Variants in POLR2D observed in about 807,000 individuals in gnomAD.
POLR2D encodes the protein DNA-directed RNA polymerase II subunit RPB4.
A neutral mutation model predicts 17.6 loss-of-function variants in POLR2D; 10 were observed. The ratio of observed to expected loss-of-function variants is 0.57; its 90% CI spans 0.35 to 0.96. The LOEUF is 0.96. Ranked by LOEUF, POLR2D falls within the 40% of genes least tolerant of loss-of-function variation. The pLI, the probability that POLR2D is intolerant of heterozygous loss-of-function variation, is 0.02. For missense variants in POLR2D, 126 were observed against 176.4 expected, an observed-to-expected ratio of 0.71 and a Z score of 1.62; for synonymous variants, 52 against 60.2, an observed-to-expected ratio of 0.86 and a Z score of 0.63.
chr2:127,854,547 T>C (rs1278495025), intron 1 of POLR2D, among the ~76,000 whole-genome samples: 1 of 152,212 alleles, frequency 6.6e-6, no homozygotes, highest in Non-Finnish European at 1.5e-5. Flanking sequence ...TTCCCATTTC[T>C]CAAGCCAGGT....
At position 127,844,917 on chromosome 2, in the gene POLR2D, G is replaced by C. The variant is rs1690126319; in HGVS notation, c.*3190C>G. 1 of 152,222 alleles carries C rather than the reference G, an allele frequency of 6.6e-6. No homozygotes were observed. The highest frequency in any genetic ancestry group is 2.4e-5 in the African/African-American group (1 of 41,438). 9.4% of individuals were successfully genotyped at this position (152,222 alleles called of 1,614,324 possible). A position where few individuals can be genotyped will look rare whatever the true frequency, so the allele number is the denominator to read the frequency against. On this transcript the variant is annotated 3_prime_UTR_variant, in exon 4 of 4. Transcript: ENST00000272645. ...GATCCACCCGCCTCGGCCTCCCAAA[G>C]TGCTGGGATTACAGGTGTGAGCCAC... is the stretch of plus-strand genomic sequence containing the variant.
rs1479760669 is a variant in POLR2D at position 127,843,608 on chromosome 2, G to A, written c.*4499C>T. 6.6e-6 allele frequency: 1 copy of A among 152,334 alleles called. No individual in the cohort carries two copies. Among genetic ancestry groups the A allele is most frequent in the Non-Finnish European group, 1.5e-5 (1 of 68,026 alleles). The allele number at this position is 152,334 out of a possible 1,614,324, so 9.4% of individuals were successfully genotyped here. A position where few individuals can be genotyped will look rare whatever the true frequency, so the allele number is the denominator to read the frequency against. ...ACTAAGGCAACTCATCGATGCTGAA[G>A]TCCCATCCAGTATGCTATTTTTCAT... is the stretch of plus-strand genomic sequence containing the variant. On this transcript the variant is annotated 3_prime_UTR_variant, in exon 4 of 4. Transcript: ENST00000272645.
chr2:127,853,176 C>T, intron 1 of POLR2D, 71 bp from the exon 2 acceptor site: 2 of 1,175,198 alleles, frequency 1.7e-6, no homozygotes, highest in African/African-American at 1.5e-5. Flanking sequence ...GTTCACTGTG[C>T]ATTTGAACAT....
In POLR2D at chr2:127,858,102, G is replaced by A. The variant is rs1026064200; in HGVS notation, c.-2C>T. On this transcript the variant is annotated 5_prime_UTR_variant, in exon 1 of 4. Transcript: ENST00000272645. ...CGGATCGCTGCCACCCGCCGCCATC[G>A]CCGCGCCGCGCCGCGCGCCACCACC... 6 of 1,478,026 alleles carry A rather than the reference G, an allele frequency of 4.1e-6. No homozygotes were observed. Among genetic ancestry groups the A allele is most frequent in the Non-Finnish European group, 5.4e-6 (6 of 1,112,518 alleles). The allele number at this position is 1,478,026 out of a possible 1,614,324, so 91.6% of individuals were successfully genotyped here.
chr2:127,850,742 ATC>A, intron 2 of POLR2D, 57 bp from the exon 3 acceptor site: 1 of 855,296 alleles, frequency 1.2e-6, no homozygotes, highest in South Asian at 1.5e-5. Flanking sequence ...AACAACAAAA[ATC>A]AAAGAGTAAT....
intron 1 of POLR2D, chr2:127,857,649 C>T (rs576278027): frequency 4.0e-6 from 1 of 251,776 alleles, no homozygotes; most frequent in African/African-American, 2.3e-5. Context: ...CATCCTTATT[C>T]CCTAATTCTC....
At chr2:127,849,163 G>A (rs1409413669) in intron 3 of POLR2D, among the ~76,000 whole-genome samples, 1 of 151,930 alleles carries the variant, frequency 6.6e-6, no homozygotes, top group African/African-American at 2.4e-5. Flanking sequence ...CCCTACTTCA[G>A]CCTCCCGAGT....
At chr2:127,851,320 G>A (rs773775635) in intron 2 of POLR2D, among the ~76,000 whole-genome samples, 1 of 152,230 alleles carries the variant, frequency 6.6e-6, no homozygotes, top group African/African-American at 2.4e-5. Context: ...TTGGAAGGCT[G>A]AGGCATGAGA....
At chr2:127,848,476 T>C (rs1398500179) in intron 3 of POLR2D, among the ~76,000 whole-genome samples, 1 of 151,776 alleles carries the variant, frequency 6.6e-6, no homozygotes, top group Non-Finnish European at 1.5e-5. Flanking sequence ...AGTGGCATGA[T>C]CTCGGCTCAC....
chr2:127,856,758 C>G (rs1386434307), intron 1 of POLR2D: 1 of 151,534 alleles, frequency 6.6e-6, no homozygotes, highest in Non-Finnish European at 1.5e-5. Flanking sequence ...TATTATTTTG[C>G]CAGGCAATGG....
chr2:127,848,798 A>C (rs904749868), intron 3 of POLR2D, among the ~76,000 whole-genome samples: 10 of 151,524 alleles, frequency 6.6e-5, no homozygotes, highest in African/African-American at 2.4e-4. Context: ...TTACAGGCGT[A>C]AGCCACCACA....
At chr2:127,848,229 T>C (rs1573516930) in intron 3 of POLR2D, 44 bp from the exon 4 acceptor site, 2 of 1,281,654 alleles carry the variant, frequency 1.6e-6, no homozygotes, top group South Asian at 1.3e-5. Flanking sequence ...CGACTGGCAA[T>C]TTCCCCGCAC....
chr2:127,849,536 T>C (rs982821885), intron 3 of POLR2D, among the ~76,000 whole-genome samples: 2 of 152,384 alleles, frequency 1.3e-5, no homozygotes, highest in South Asian at 2.1e-4. Flanking sequence ...ATATGCAGCA[T>C]AGTTTCAAAC....
At chr2:127,857,715 G>A (rs774880022) in intron 1 of POLR2D, 78 of 832,374 alleles carry the variant, frequency 9.4e-5, no homozygotes, top group Non-Finnish European at 1.1e-4. Flanking sequence ...TTCACGCTGG[G>A]CTCTTTTCCC....
chr2:127,856,256 A>T (rs1345053151), intron 1 of POLR2D, among the ~76,000 whole-genome samples: 1 of 137,934 alleles, frequency 7.2e-6, no homozygotes, highest in Non-Finnish European at 1.5e-5. Flanking sequence ...ACACCACTGC[A>T]CTCCAACCTA....
intron 3 of POLR2D, 34 bp from the exon 4 acceptor site, chr2:127,848,219 C>T (rs374083598): frequency 1.7e-5 from 24 of 1,443,664 alleles, no homozygotes; most frequent in South Asian, 5.9e-5. Context: ...AGTGATTTGG[C>T]GACTGGCAAT....
chr2:127,857,993 G>C (rs1690368163), intron 1 of POLR2D, 35 bp downstream of exon 1: 4 of 1,572,588 alleles, frequency 2.5e-6, no homozygotes, highest in East Asian at 2.5e-5. Context: ...ACCACGCGAA[G>C]TGGCGCGGGG....
Position 127,848,089 on chromosome 2 carries a change from A to G in POLR2D, c.*18T>C. The stretch of plus-strand genomic sequence containing the variant: ...GCCTGGGGATGTGGTTTCTCCGAGC[A>G]GCAGTGATGTTTGGAGATTAATACT... On this transcript the variant is annotated 3_prime_UTR_variant, in exon 4 of 4. Coordinates refer to ENST00000272645, the MANE Select transcript of POLR2D (RefSeq NM_004805.4). 6.4e-7 allele frequency: 1 copy of G among 1,552,096 alleles called. No homozygotes were observed. Among genetic ancestry groups the G allele is most frequent in the East Asian group, 2.2e-5 (1 of 44,600 alleles).
At position 127,845,093 on chromosome 2, in the gene POLR2D, A is replaced by T. The variant is rs1690129177; in HGVS notation, c.*3014T>A. 1.3e-5 allele frequency: 2 copies of T among 152,286 alleles called. No individual in the cohort carries two copies. The highest frequency in any genetic ancestry group is 4.8e-5 in the African/African-American group (2 of 41,470). The allele number at this position is 152,286 out of a possible 1,614,324, so 9.4% of individuals were successfully genotyped here. A position where few individuals can be genotyped will look rare whatever the true frequency, so the allele number is the denominator to read the frequency against. On this transcript the variant is annotated 3_prime_UTR_variant, in exon 4 of 4. Transcript: ENST00000272645. ...CTGGCACATAGGTGGAAACACCAGTAAAGATGGTAGCACCGTGCTCCTCAG... is the reference window on the plus strand; with the variant it reads ...CTGGCACATAGGTGGAAACACCAGTTAAGATGGTAGCACCGTGCTCCTCAG...
Sources: gnomAD v4.1 joint callset for allele counts (sites outside exome capture counted in the v4.1 genomes callset) on GRCh38, gnomAD v4.1.1 for gene constraint, MANE v1.5 for transcripts, NCBI Gene and HGNC (gene_info 2026-07-23, HGNC 2026-07-21) for gene names.